Variants in MED27 observed in about 807,000 individuals in gnomAD.
The protein encoded by MED27 is mediator of RNA polymerase II transcription subunit 27.
MED27 carries 30 observed loss-of-function variants against 38.2 expected under a neutral mutation model. The ratio of observed to expected loss-of-function variants is 0.79; its 90% CI spans 0.59 to 1.07. The LOEUF (loss-of-function observed/expected upper bound fraction) is 1.07, where lower values mean the gene tolerates loss of function less well. MED27 is among the 50% of genes least tolerant of loss of function. The pLI is 0.00. For synonymous variants in MED27, 122 were observed against 153.5 expected, an observed-to-expected ratio of 0.79 and a Z score of 1.52; for missense variants, 289 against 397.5, an observed-to-expected ratio of 0.73 and a Z score of 2.32.
intron 6 of MED27, among the ~76,000 whole-genome samples, chr9:131,866,444 G>A (rs183764082): frequency 5.3e-5 from 8 of 152,378 alleles, no homozygotes; most frequent in Admixed American, 5.2e-4. Context: ...CCTGGGCCCT[G>A]CCCTGTCGCC....
intron 3 of MED27, among the ~76,000 whole-genome samples, chr9:131,945,504 C>T (rs1830869720): frequency 6.6e-6 from 1 of 152,106 alleles, no homozygotes; most frequent in Non-Finnish European, 1.5e-5. Context: ...TTATTAACTA[C>T]AGCTACCATG....
intron 3 of MED27, among the ~76,000 whole-genome samples, chr9:131,996,039 C>T (rs1354695086): frequency 6.6e-6 from 1 of 152,180 alleles, no homozygotes; most frequent in Non-Finnish European, 1.5e-5. Context: ...AAGCCCAAGT[C>T]TGGATCCCCA....
chr9:131,927,300 T>C (rs914484384), intron 4 of MED27, among the ~76,000 whole-genome samples: 2 of 152,238 alleles, frequency 1.3e-5, no homozygotes, highest in Non-Finnish European at 2.9e-5. Context: ...TTGGATTGTA[T>C]AGGCTACAGT....
intron 4 of MED27, among the ~76,000 whole-genome samples, chr9:131,934,074 T>C (rs1201646173): frequency 6.6e-6 from 1 of 152,206 alleles, no homozygotes; most frequent in Non-Finnish European, 1.5e-5. Context: ...AATTTCCATA[T>C]GCAGAAGAAT....
chr9:131,964,217 G>A (rs537829145), intron 3 of MED27, among the ~76,000 whole-genome samples: 16 of 151,494 alleles, frequency 1.1e-4, no homozygotes, highest in Admixed American at 6.6e-4. Flanking sequence ...GGTAATCAGT[G>A]TTAAGTGCTT....
chr9:131,924,114 C>T (rs1830442398), intron 4 of MED27, among the ~76,000 whole-genome samples: 1 of 152,142 alleles, frequency 6.6e-6, no homozygotes. Context: ...TCATATATTG[C>T]TGGAAGTGTG....
chr9:131,881,800 C>CTTCT (rs1159629751), intron 6 of MED27, among the ~76,000 whole-genome samples: 4 of 60,974 alleles, frequency 6.6e-5, no homozygotes, highest in African/African-American at 2.3e-4. Flanking sequence ...TCTTCTTCTT[C>CTTCT]TTTTTTTTTT....
intron 3 of MED27, among the ~76,000 whole-genome samples, chr9:131,949,297 G>A (rs992212377): frequency 4.6e-5 from 7 of 152,146 alleles, no homozygotes; most frequent in Admixed American, 4.6e-4. Flanking sequence ...GCCCGAGCTT[G>A]GCCTTTCTGC....
chr9:132,002,777 C>T (rs189746300), intron 3 of MED27, among the ~76,000 whole-genome samples: 50 of 151,678 alleles, frequency 3.3e-4, no homozygotes, highest in African/African-American at 1.2e-3. Context: ...TGTCCTGGTG[C>T]GGTGGTGCAC....
intron 6 of MED27, chr9:131,869,182 G>A (rs1025825092): frequency 1.0e-5 from 10 of 985,182 alleles, no homozygotes; most frequent in South Asian, 4.7e-5. Flanking sequence ...TGATGAACTC[G>A]CCATGTTTTC....
rs1287057380 is a variant in MED27, at chr9:132,073,542, T to C, written c.348+3900A>G. The C allele has an allele frequency of 4.5e-5, 61 of 1,360,048 alleles. 1 individual carries two copies. The highest frequency in any genetic ancestry group is 4.3e-5 in the Non-Finnish European group (46 of 1,063,626). The allele number at this position is 1,360,048 out of a possible 1,614,324, so 84.2% of individuals were successfully genotyped here. ...CTAAAGGAAAGGCTCTGCGTTGCAA[T>C]GTAAAACGATTCCAACCCTGTTAGT... On this transcript the variant is annotated intron_variant, in intron 2 of 7. Transcript: ENST00000292035.
chr9:131,887,371 C>G (rs1409337539), intron 5 of MED27, among the ~76,000 whole-genome samples: 1 of 152,104 alleles, frequency 6.6e-6, no homozygotes, highest in Non-Finnish European at 1.5e-5. Flanking sequence ...CCATCTGGGA[C>G]AGAAGGACCT....
At chr9:132,061,303 G>A (rs1833690736) in intron 2 of MED27, among the ~76,000 whole-genome samples, 1 of 152,214 alleles carries the variant, frequency 6.6e-6, no homozygotes, top group Admixed American at 6.5e-5. Flanking sequence ...GAGTGGCTAT[G>A]GGAGGGTATG....
intron 3 of MED27, among the ~76,000 whole-genome samples, chr9:132,001,364 A>G (rs1198770620): frequency 3.3e-5 from 5 of 152,186 alleles, no homozygotes; most frequent in Admixed American, 3.3e-4. Context: ...ATATTTTTGT[A>G]GCCTCAAATA....
intron 4 of MED27, among the ~76,000 whole-genome samples, chr9:131,907,033 TATA>T (rs1216389086): frequency 1.3e-5 from 2 of 152,232 alleles, no homozygotes; most frequent in Non-Finnish European, 2.9e-5. Flanking sequence ...ATAATTAGCA[TATA>T]ATGAGTAGTG....
intron 3 of MED27, among the ~76,000 whole-genome samples, chr9:131,998,247 C>T (rs1169045072): frequency 6.7e-6 from 1 of 148,388 alleles, no homozygotes; most frequent in African/African-American, 2.5e-5. Context: ...TCAAAAGCAT[C>T]ATCTTAAAAA....
At chr9:131,881,807 T>A (rs1839050797) in intron 6 of MED27, among the ~76,000 whole-genome samples, 1 of 132,826 alleles carries the variant, frequency 7.5e-6, no homozygotes, top group Non-Finnish European at 1.6e-5. Flanking sequence ...CTTCTTTTTT[T>A]TTTTTTTTTT....
At chr9:131,978,237 C>T (rs781146712) in intron 3 of MED27, among the ~76,000 whole-genome samples, 20 of 151,540 alleles carry the variant, frequency 1.3e-4, no homozygotes, top group East Asian at 1.9e-4. Context: ...GTGTCTTCAG[C>T]GACAAAATTT....
intron 5 of MED27, 60 bp downstream of exon 5, chr9:131,893,825 G>T: frequency 8.3e-7 from 1 of 1,202,752 alleles, no homozygotes. Flanking sequence ...TCTGGAATTC[G>T]ACTACACTTG....
Sources: allele counts gnomAD v4.1 joint callset (sites outside exome capture counted in the v4.1 genomes callset), GRCh38; gene constraint gnomAD v4.1.1; transcripts MANE v1.5; gene names NCBI Gene and HGNC (gene_info 2026-07-23, HGNC 2026-07-21).